OPCML: variants seen among roughly 807,000 people sequenced by gnomAD.
The protein encoded by OPCML is opioid-binding protein/cell adhesion molecule.
In OPCML, 13 loss-of-function variants were observed where a neutral mutation model predicts 37.8. The ratio of observed to expected loss-of-function variants is 0.34; its 90% CI spans 0.22 to 0.55. The LOEUF (loss-of-function observed/expected upper bound fraction) is 0.55. OPCML is among the 20% of genes least tolerant of loss of function. OPCML has a pLI of 0.91. For synonymous variants in OPCML, 176 were observed against 168.8 expected (o/e 1.04, Z -0.33); for missense variants, 341 against 435.6 (o/e 0.78, Z 1.93).
Position 133,508,889 on chromosome 11 carries a change from G to A in OPCML, c.61+23375C>T, listed in dbSNP as rs76936989. Reference sequence around the variant, plus strand: ...CCCAGCACCTTCCAGACAAGAGGACGGGACAGAGCGACAGGGCCTGTGCTT... The same window carrying A: ...CCCAGCACCTTCCAGACAAGAGGACAGGACAGAGCGACAGGGCCTGTGCTT... On this transcript the variant is annotated intron_variant, in intron 1 of 7. Transcript: ENST00000524381. 3.2e-3 allele frequency among the ~76,000 whole-genome samples: 485 copies of A among 152,260 alleles called. 8 individuals carry two copies. Among genetic ancestry groups the A allele is most frequent in the African/African-American group, 0.011 (441 of 41,558 alleles).
At chr11:132,603,874 T>C (rs1938091198) in intron 3 of OPCML, among the ~76,000 whole-genome samples, 1 of 152,212 alleles carries the variant, frequency 6.6e-6, no homozygotes, top group South Asian at 2.1e-4. Flanking sequence ...AGCAATGATC[T>C]TGTATCCTAT....
chr11:132,764,521 C>T (rs1946372806), intron 2 of OPCML, among the ~76,000 whole-genome samples: 1 of 152,142 alleles, frequency 6.6e-6, no homozygotes, highest in Non-Finnish European at 1.5e-5. Context: ...GGATCAGGTT[C>T]CCCACTCATA....
chr11:133,022,329 CTGTTTTT>C (rs1229118686), intron 1 of OPCML, among the ~76,000 whole-genome samples: 2 of 152,134 alleles, frequency 1.3e-5, no homozygotes, highest in Non-Finnish European at 2.9e-5. Flanking sequence ...TGCCTTTCTT[CTGTTTTT>C]TATTTTACTT....
intron 3 of OPCML, among the ~76,000 whole-genome samples, chr11:132,632,493 T>C (rs1446660476): frequency 6.6e-6 from 1 of 152,092 alleles, no homozygotes; most frequent in African/African-American, 2.4e-5. Context: ...AGATATCTTT[T>C]AAGTAATGGA....
intron 4 of OPCML, among the ~76,000 whole-genome samples, chr11:132,528,804 C>G (rs1264204015): frequency 2.0e-5 from 3 of 152,188 alleles, no homozygotes; most frequent in Non-Finnish European, 4.4e-5. Context: ...GGAAGTTATT[C>G]TTATGTCCTT....
chr11:132,995,417 A>C (rs1383465428), intron 1 of OPCML, among the ~76,000 whole-genome samples: 1 of 151,910 alleles, frequency 6.6e-6, no homozygotes, highest in Non-Finnish European at 1.5e-5. Context: ...GGAATTCAAA[A>C]TGCTAAAAAG....
rs60414795 is a variant in OPCML at position 133,263,561 on chromosome 11, T to C, written c.61+268703A>G. The stretch of plus-strand genomic sequence containing the variant: ...CTATGGTGTTTGCACAGTGATGAAA[T>C]TGTCCAACAGTGCATTTCTTGGAAT... On this transcript the variant is annotated intron_variant, in intron 1 of 7. Coordinates refer to ENST00000524381, the MANE Select transcript of OPCML (RefSeq NM_001012393.5). 6.6e-3 allele frequency among the ~76,000 whole-genome samples: 1,007 copies of C among 152,238 alleles called. 10 individuals carry two copies. The highest frequency in any genetic ancestry group is 0.023 in the African/African-American group (935 of 41,532).
In OPCML at chr11:132,731,670, G is replaced by C. The variant is rs374294206; in HGVS notation, c.147-74351C>G. Among the ~76,000 whole-genome samples the C allele has an allele frequency of 4.6e-5, 7 of 152,284 alleles. No homozygotes were observed. The East Asian group carries it at 1.4e-3, about 29-fold the overall frequency. On this transcript the variant is annotated intron_variant, in intron 2 of 7. Transcript: ENST00000524381. ...AGTCCACAGAGGGGCATCTAACTAT[G>C]ATGGGGAATTAAGAAAAGATTTTCC... is the stretch of plus-strand genomic sequence containing the variant.
chr11:132,529,695 T>C (rs1465446214), intron 3 of OPCML, among the ~76,000 whole-genome samples: 1 of 152,242 alleles, frequency 6.6e-6, no homozygotes, highest in Non-Finnish European at 1.5e-5. Context: ...GGTTGTTCCA[T>C]TGTGGAACTC....
chr11:132,537,580 G>A (rs1041585358), intron 3 of OPCML, among the ~76,000 whole-genome samples: 44 of 152,112 alleles, frequency 2.9e-4, no homozygotes, highest in Admixed American at 1.4e-3. Flanking sequence ...TAGATAAACC[G>A]GACTTCATTC....
At chr11:132,934,847 A>T (rs1945319611) in intron 2 of OPCML, among the ~76,000 whole-genome samples, 1 of 152,146 alleles carries the variant, frequency 6.6e-6, no homozygotes. Flanking sequence ...GGAATCAAAT[A>T]ATACAAAAGC....
At chr11:133,277,805 TG>T (rs1204426645) in intron 1 of OPCML, among the ~76,000 whole-genome samples, 2 of 151,992 alleles carry the variant, frequency 1.3e-5, no homozygotes, top group Non-Finnish European at 2.9e-5. Context: ...ATATAATGTA[TG>T]TAACATAAGT....
At chr11:132,425,612 A>G (rs1415587201) in intron 7 of OPCML, among the ~76,000 whole-genome samples, 2 of 152,224 alleles carry the variant, frequency 1.3e-5, no homozygotes, top group Non-Finnish European at 2.9e-5. Context: ...AACTAAGGCA[A>G]GAATTGCTAA....
rs184316536 is a variant in OPCML, at chr11:132,425,423, C to G, written c.917-5130G>C. Reference sequence around the variant, plus strand: ...TGAATTTGAATTCTGGCTCTGCTATCCAATAGCAGGAAGACTTTGGACAAG... The same window carrying G: ...TGAATTTGAATTCTGGCTCTGCTATGCAATAGCAGGAAGACTTTGGACAAG... On this transcript the variant is annotated intron_variant, in intron 7 of 7. Coordinates refer to ENST00000524381, the MANE Select transcript of OPCML (RefSeq NM_001012393.5). Among the ~76,000 whole-genome samples the G allele has an allele frequency of 4.3e-3, 648 of 152,224 alleles. 3 individuals are homozygous for G. Among genetic ancestry groups the G allele is most frequent in the African/African-American group, 0.015 (609 of 41,544 alleles).
Position 133,149,087 on chromosome 11 carries a change from A to G in OPCML, c.62-206077T>C, listed in dbSNP as rs1949938189. ...ACCTGCTCTCTGAACTGGGAAAAGC[A>G]ACAGACCCAGACAGCCACCTCAATT... is the stretch of plus-strand genomic sequence containing the variant. On this transcript the variant is annotated intron_variant, in intron 1 of 7. Coordinates refer to ENST00000524381, the MANE Select transcript of OPCML (RefSeq NM_001012393.5). Among the ~76,000 whole-genome samples the G allele has an allele frequency of 2.0e-5, 3 of 152,178 alleles. No homozygotes were observed. In the South Asian group the frequency reaches 6.2e-4, roughly 32 times the overall value.
chr11:133,113,123 T>C (rs1417836705), intron 1 of OPCML, among the ~76,000 whole-genome samples: 1 of 152,240 alleles, frequency 6.6e-6, no homozygotes, highest in Admixed American at 6.5e-5. Context: ...GGTCTGTTCC[T>C]ACTTATCATG....
intron 2 of OPCML, among the ~76,000 whole-genome samples, chr11:132,718,799 A>G (rs1944579755): frequency 6.6e-6 from 1 of 152,150 alleles, no homozygotes; most frequent in African/African-American, 2.4e-5. Context: ...AAGGGAAAGG[A>G]GTGTGAAGGA....
At chr11:133,160,297 A>G (rs1180950213) in intron 1 of OPCML, among the ~76,000 whole-genome samples, 1 of 152,202 alleles carries the variant, frequency 6.6e-6, no homozygotes, top group Non-Finnish European at 1.5e-5. Context: ...CAGAAGAAAT[A>G]GAATATAATA....
intron 1 of OPCML, among the ~76,000 whole-genome samples, chr11:133,093,979 T>C (rs932706054): frequency 6.6e-6 from 1 of 152,158 alleles, no homozygotes; most frequent in African/African-American, 2.4e-5. Context: ...GGTGGATGCA[T>C]TGTCTATGTG....
Sources: gnomAD v4.1 joint callset for allele counts (sites outside exome capture counted in the v4.1 genomes callset) on GRCh38, gnomAD v4.1.1 for gene constraint, MANE v1.5 for transcripts, NCBI Gene and HGNC (gene_info 2026-07-23, HGNC 2026-07-21) for gene names.